The following METTL21C variants were observed in gnomAD, a reference collection of about 807,000 sequenced individuals.
The protein encoded by METTL21C is protein-lysine methyltransferase METTL21C.
Under a neutral mutation model 25.9 loss-of-function variants are expected in METTL21C, and 21 were observed. The ratio of observed to expected loss-of-function variants is 0.81; its 90% CI spans 0.58 to 1.17. The LOEUF is 1.17. METTL21C is among the 50% of genes most tolerant of loss of function. The pLI is 0.00. For missense variants in METTL21C, 312 were observed against 315.1 expected (o/e 0.99, Z 0.07); for synonymous variants, 125 against 124.7 (o/e 1.00, Z -0.01).
At chr13:102,691,679 G>A (rs1885834505) in intron 1 of METTL21C, among the ~76,000 whole-genome samples, 1 of 152,170 alleles carries the variant, frequency 6.6e-6, no homozygotes, top group South Asian at 2.1e-4. Context: ...TTGAAGTGAA[G>A]TAACATTCCC....
intron 1 of METTL21C, among the ~76,000 whole-genome samples, chr13:102,691,431 C>A (rs937862094): frequency 3.9e-5 from 6 of 152,052 alleles, no homozygotes; most frequent in African/African-American, 9.7e-5. Flanking sequence ...CTCACCGCAA[C>A]CTCTGCTTCC....
chr13:102,687,311 C>G (rs1566387592), intron 2 of METTL21C, among the ~76,000 whole-genome samples: 1 of 152,158 alleles, frequency 6.6e-6, no homozygotes, highest in Admixed American at 6.5e-5. Flanking sequence ...ATAGGAAGAA[C>G]AGTAGATCAG....
intron 1 of METTL21C, among the ~76,000 whole-genome samples, chr13:102,691,304 A>G (rs1163758032): frequency 2.6e-5 from 4 of 151,850 alleles, no homozygotes; most frequent in Non-Finnish European, 4.4e-5. Flanking sequence ...AATTGCACGA[A>G]TGAGCTGTCT....
intron 2 of METTL21C, among the ~76,000 whole-genome samples, chr13:102,688,190 G>T (rs1013721575): frequency 1.3e-5 from 2 of 152,196 alleles, no homozygotes; most frequent in African/African-American, 4.8e-5. Context: ...AGTTTGGAGT[G>T]GGGGCAGCCA....
Position 102,686,113 on chromosome 13 carries a change from T to C in METTL21C, c.713A>G (p.Lys238Arg). 6.2e-7 allele frequency: 1 copy of C among 1,614,086 alleles called. No individual in the cohort carries two copies. Among genetic ancestry groups the C allele is most frequent in the Non-Finnish European group, 8.5e-7 (1 of 1,179,930 alleles). Reference sequence around the variant, plus strand: ...CAACAGTGTTGTGTCAAAAACTTGCTTGAATTTATCTAAAAATTCATAGTC... The same window carrying C: ...CAACAGTGTTGTGTCAAAAACTTGCCTGAATTTATCTAAAAATTCATAGTC... ...STDYEFLDKF[K>R]QVFDTTLLAE... is the part of the protein sequence containing the mutation. Residue 238 changes from lysine to arginine, a missense_variant, in exon 4 of 4, where the codon AAG becomes AGG. Lys to Arg is a conservative substitution (Grantham distance 26, BLOSUM62 2). Coordinates refer to ENST00000267273, the MANE Select transcript of METTL21C (RefSeq NM_001010977.3).
upstream of METTL21C, among the ~76,000 whole-genome samples, chr13:102,697,998 A>C (rs111563028): frequency 6.0e-3 from 919 of 152,254 alleles, 21 homozygotes; most frequent in African/African-American, 0.021. Flanking sequence ...CAGCCAGGGC[A>C]CTCCAACACA....
chr13:102,687,581 T>A (rs550976577), intron 2 of METTL21C, among the ~76,000 whole-genome samples: 108 of 152,366 alleles, frequency 7.1e-4, no homozygotes, highest in African/African-American at 2.5e-3. Flanking sequence ...TGACTTTTTT[T>A]AAAGTGGTTC....
intron 2 of METTL21C, among the ~76,000 whole-genome samples, 179 bp from the exon 3 acceptor site, chr13:102,687,236 T>C (rs142979817): frequency 5.5e-4 from 84 of 152,346 alleles, no homozygotes; most frequent in African/African-American, 1.8e-3. Context: ...AAAGAAGTTA[T>C]AATAAATTGC....
At chr13:102,700,368 T>G in the METTL21C span, among the ~76,000 whole-genome samples, 5 of 152,298 alleles carry the variant, frequency 3.3e-5, no homozygotes, top group South Asian at 6.2e-4. Flanking sequence ...TCGCTTCTAT[T>G]TTTTATTTTC....
chr13:102,692,027 A>T (rs930432355), intron 1 of METTL21C, among the ~76,000 whole-genome samples: 8 of 152,196 alleles, frequency 5.3e-5, no homozygotes, highest in Non-Finnish European at 8.8e-5. Context: ...CGGGTGGGAA[A>T]GAATTAACAG....
chr13:102,703,327 G>A, the METTL21C span, among the ~76,000 whole-genome samples: 3 of 152,152 alleles, frequency 2.0e-5, no homozygotes, highest in Non-Finnish European at 2.9e-5. Flanking sequence ...TAGGTGCCCC[G>A]TAGCCAGGCC....
chr13:102,696,054 T>A (rs1435341366), upstream of METTL21C, among the ~76,000 whole-genome samples: 1 of 152,112 alleles, frequency 6.6e-6, no homozygotes, highest in Non-Finnish European at 1.5e-5. Flanking sequence ...GAAAGAAACC[T>A]CACCAACTTT....
At position 102,686,192 on chromosome 13, in the gene METTL21C, G is replaced by T. The variant is rs772807635; in HGVS notation, c.634C>A (p.Leu212Ile). 3 of 1,614,212 alleles carry T rather than the reference G, an allele frequency of 1.9e-6. No individual in the cohort carries two copies. The highest frequency in any genetic ancestry group is 2.2e-5 in the South Asian group (2 of 91,086). The part of the protein sequence containing the change: ...LDKLLTTMVY[L>I]SQPGTVLLWA... ...AGCAGCACCGTCCCTGGCTGGGAAA[G>T]GTACACCATGGTGGTGAGCAGCTTG... The change falls in exon 4 of 4, where the codon CTT becomes ATT. Residue 212 changes from leucine to isoleucine, a missense_variant. By Grantham distance (5) the Leu-to-Ile change is conservative. Transcript: ENST00000267273.
intron 2 of METTL21C, 150 bp from the exon 3 acceptor site, chr13:102,687,207 A>G (rs1026161629): frequency 8.0e-6 from 5 of 626,550 alleles, no homozygotes; most frequent in African/African-American, 7.4e-5. Flanking sequence ...ACTCAATGCC[A>G]TATTTAGACC....
At chr13:102,690,514 T>C (rs886642847) in intron 2 of METTL21C, among the ~76,000 whole-genome samples, 1 of 152,056 alleles carries the variant, frequency 6.6e-6, no homozygotes, top group Non-Finnish European at 1.5e-5. Flanking sequence ...TCTAAATCCC[T>C]GGGTTTATTC....
At chr13:102,689,084 C>CT (rs202150901) in intron 2 of METTL21C, among the ~76,000 whole-genome samples, 21,161 of 151,718 alleles carry the variant, frequency 0.14, 1,916 homozygotes, top group African/African-American at 0.25. Context: ...AATTTCTGAT[C>CT]TTTTTTTTAA....
chr13:102,693,683 G>C (rs1885882151), intron 1 of METTL21C, among the ~76,000 whole-genome samples: 1 of 152,162 alleles, frequency 6.6e-6, no homozygotes, highest in South Asian at 2.1e-4. Context: ...CAACGATAAA[G>C]AAACATATGT....
rs983307389 is a variant in METTL21C, at chr13:102,695,007, C to T, written c.-509G>A. ...CACTGGAACAGAACAGAGGCTGCCCCTGTGGCATCCAGTTGCTGCGATGTG... is the reference window on the plus strand; with the variant it reads ...CACTGGAACAGAACAGAGGCTGCCCTTGTGGCATCCAGTTGCTGCGATGTG... On this transcript the variant is annotated 5_prime_UTR_variant, in exon 1 of 4. Coordinates refer to ENST00000267273, the MANE Select transcript of METTL21C (RefSeq NM_001010977.3). 3.3e-5 allele frequency among the ~76,000 whole-genome samples: 5 copies of T among 152,074 alleles called. No homozygotes were observed. Among genetic ancestry groups the T allele is most frequent in the African/African-American group, 1.2e-4 (5 of 41,420 alleles).
intron 2 of METTL21C, among the ~76,000 whole-genome samples, chr13:102,689,020 T>C (rs747183208): frequency 6.6e-6 from 1 of 152,176 alleles, no homozygotes; most frequent in Non-Finnish European, 1.5e-5. Context: ...TAGTGTTTGG[T>C]GCATGAGTGA....
Sources: gnomAD v4.1 joint callset for allele counts (sites outside exome capture counted in the v4.1 genomes callset) on GRCh38, gnomAD v4.1.1 for gene constraint, MANE v1.5 for transcripts, NCBI Gene and HGNC (gene_info 2026-07-23, HGNC 2026-07-21) for gene names.